RASSF3: variants seen among roughly 807,000 people sequenced by gnomAD.
RASSF3 encodes the protein ras association domain-containing protein 3.
RASSF3 carries 19 observed loss-of-function variants against 19.9 expected under a neutral mutation model. That is an observed-to-expected ratio of 0.96 (90% confidence interval 0.67 to 1.40). The LOEUF (loss-of-function observed/expected upper bound fraction) is 1.40. Ranked by LOEUF, RASSF3 falls within the 40% of genes most tolerant of loss-of-function variation. RASSF3 has a pLI of 0.00. For synonymous variants in RASSF3, 110 were observed against 104.2 expected (o/e 1.06, Z -0.34); for missense variants, 306 against 289.8 (o/e 1.06, Z -0.41).
intron 1 of RASSF3, among the ~76,000 whole-genome samples, chr12:64,673,427 T>C (rs1261466946): frequency 6.6e-6 from 1 of 152,204 alleles, no homozygotes; most frequent in African/African-American, 2.4e-5. Context: ...GTGTTGTAGA[T>C]GGTATTACTA....
At chr12:64,590,268 C>T (rs1456210000) in intron 2 of RASSF3, among the ~76,000 whole-genome samples, 4 of 151,562 alleles carry the variant, frequency 2.6e-5, no homozygotes, top group Admixed American at 1.3e-4. Context: ...CTTAGGCTTG[C>T]CCTGTAACAA....
At chr12:64,543,766 G>GAATA (rs1868999079), downstream of RASSF3, among the ~76,000 whole-genome samples, 3 of 151,774 alleles carry the variant, frequency 2.0e-5, no homozygotes, top group South Asian at 6.2e-4. Context: ...AAGGGATTGT[G>GAATA]AATACACTAA....
chr12:64,591,370 G>A (rs1316781742), intron 2 of RASSF3, among the ~76,000 whole-genome samples: 1 of 152,032 alleles, frequency 6.6e-6, no homozygotes, highest in Admixed American at 6.6e-5. Flanking sequence ...CAGCTACTCA[G>A]GAGGCTGAGG....
chr12:64,569,816 T>C (rs2136129591), intron 2 of RASSF3, among the ~76,000 whole-genome samples: 1 of 152,210 alleles, frequency 6.6e-6, no homozygotes, highest in African/African-American at 2.4e-5. Context: ...AAATACAAAA[T>C]TAGCCAGGCA....
At chr12:64,545,267 G>T (rs562234346), downstream of RASSF3, among the ~76,000 whole-genome samples, 5 of 152,224 alleles carry the variant, frequency 3.3e-5, no homozygotes, top group South Asian at 1.0e-3. Flanking sequence ...TGCTTGTTTG[G>T]CTTGGAAAAA....
intron 1 of RASSF3, among the ~76,000 whole-genome samples, chr12:64,668,308 A>G (rs910171169): frequency 4.1e-5 from 6 of 146,622 alleles, no homozygotes; most frequent in Non-Finnish European, 9.0e-5. Flanking sequence ...ACAGGGTCTC[A>G]CTGTCTTGCC....
At chr12:64,594,570 TTTGATACTCTTGCTATTTCCAA>T (rs1430208718) in intron 2 of RASSF3, among the ~76,000 whole-genome samples, 2 of 152,238 alleles carry the variant, frequency 1.3e-5, no homozygotes, top group East Asian at 3.9e-4. Context: ...TCAAAAGACT[TTTGATACTCTTGCTATTTCCAA>T]CATGCTGCTA....
At chr12:64,547,857 T>C (rs1028473546) in intron 2 of RASSF3, among the ~76,000 whole-genome samples, 5 of 152,190 alleles carry the variant, frequency 3.3e-5, no homozygotes, top group African/African-American at 9.6e-5. Context: ...AAAGAAACTG[T>C]GGAAAATGTA....
intron 1 of RASSF3, among the ~76,000 whole-genome samples, chr12:64,612,865 TA>T (rs1388079563): frequency 2.2e-4 from 33 of 152,334 alleles, no homozygotes; most frequent in African/African-American, 6.5e-4. Flanking sequence ...CATTTAGAAT[TA>T]GTCTAACATT....
At chr12:64,667,410 T>C (rs1199155158) in intron 1 of RASSF3, among the ~76,000 whole-genome samples, 1 of 152,160 alleles carries the variant, frequency 6.6e-6, no homozygotes, top group Non-Finnish European at 1.5e-5. Context: ...TACTGTAGCC[T>C]CTGCCTCCCA....
intron 1 of RASSF3, among the ~76,000 whole-genome samples, chr12:64,612,538 T>G (rs1490651374): frequency 6.8e-6 from 1 of 148,070 alleles, no homozygotes; most frequent in East Asian, 2.0e-4. Flanking sequence ...TGGAGTGCAG[T>G]CGTGTGATCT....
chr12:64,554,899 T>C (rs1869231150), intron 2 of RASSF3, among the ~76,000 whole-genome samples: 1 of 152,158 alleles, frequency 6.6e-6, no homozygotes, highest in Non-Finnish European at 1.5e-5. Flanking sequence ...AAATGAATAA[T>C]GCATTTTGAA....
intron 2 of RASSF3, among the ~76,000 whole-genome samples, chr12:64,599,988 C>T (rs571064666): frequency 2.1e-5 from 3 of 142,864 alleles, no homozygotes; most frequent in South Asian, 2.2e-4. Context: ...GCCAAGATCG[C>T]GCCACTGCAC....
intron 1 of RASSF3, among the ~76,000 whole-genome samples, chr12:64,669,057 GA>G (rs1173361163): frequency 6.6e-6 from 1 of 152,152 alleles, no homozygotes; most frequent in Non-Finnish European, 1.5e-5. Flanking sequence ...ACAAACCCTA[GA>G]AAAACTTGGG....
intron 2 of RASSF3, among the ~76,000 whole-genome samples, chr12:64,598,324 T>C (rs2136143972): frequency 6.6e-6 from 1 of 152,352 alleles, no homozygotes; most frequent in South Asian, 2.1e-4. Context: ...TACATAATTG[T>C]TCTATGGGGA....
intron 1 of RASSF3, among the ~76,000 whole-genome samples, chr12:64,677,024 T>A (rs1872932497): frequency 6.6e-6 from 1 of 152,136 alleles, no homozygotes; most frequent in Non-Finnish European, 1.5e-5. Flanking sequence ...TGCCTTGGCC[T>A]CCTAAAGTGC....
chr12:64,697,370 A>G lies in RASSF3; in HGVS notation c.*2458A>G, dbSNP rs1367448928. 2 of 152,186 alleles carry G rather than the reference A, an allele frequency of 1.3e-5. No individual in the cohort carries two copies. Among genetic ancestry groups the G allele is most frequent in the African/African-American group, 4.8e-5 (2 of 41,446 alleles). 9.4% of individuals were successfully genotyped at this position (152,186 alleles called of 1,614,324 possible). On this transcript the variant is annotated 3_prime_UTR_variant, in exon 5 of 5. Transcript: ENST00000542104. ...TTGCTGTAATACTGTTTTCTCTTCA[A>G]TATGTGATGGTACAGGAAGGATGTT...
In RASSF3 at chr12:64,610,546, G is replaced by C. The variant is rs1342325623; in HGVS notation, c.-87G>C. ...AGGACTGCCCGGGGCTGCGCGCCGG[G>C]AACCTCGCGGGGCTGGCGGGCGCCG... On this transcript the variant is annotated 5_prime_UTR_variant, in exon 1 of 5. Transcript: ENST00000542104. The C allele has an allele frequency of 5.4e-6, 3 of 553,972 alleles. No individual in the cohort carries two copies. Among genetic ancestry groups the C allele is most frequent in the Non-Finnish European group, 8.0e-6 (3 of 376,288 alleles). The allele number at this position is 553,972 out of a possible 1,614,324, so 34.3% of individuals were successfully genotyped here.
intron 4 of RASSF3, among the ~76,000 whole-genome samples, chr12:64,693,327 A>AG (rs1228931235): frequency 6.6e-6 from 1 of 152,014 alleles, no homozygotes; most frequent in Admixed American, 6.6e-5. Flanking sequence ...CCTTTGGGAG[A>AG]GGAGGATGTG....
Sources: allele counts gnomAD v4.1 joint callset (sites outside exome capture counted in the v4.1 genomes callset), GRCh38; gene constraint gnomAD v4.1.1; transcripts MANE v1.5; gene names NCBI Gene and HGNC (gene_info 2026-07-23, HGNC 2026-07-21).